SETBP1: variants seen among roughly 807,000 people sequenced by gnomAD.
SETBP1 encodes the protein SET-binding protein.
In SETBP1, 9 loss-of-function variants were observed where a neutral mutation model predicts 101.0. The ratio of observed to expected loss-of-function variants is 0.09; its 90% CI spans 0.05 to 0.16. The LOEUF (loss-of-function observed/expected upper bound fraction) is 0.16, where lower values mean the gene tolerates loss of function less well. Among genes scored for constraint, SETBP1 ranks in the 10% least tolerant of loss-of-function variants. The probability of loss-of-function intolerance (pLI) is 1.00; values close to 1 mark genes in which losing one functional copy is unlikely to be tolerated. For missense variants in SETBP1, 1,858 were observed against 2,033.8 expected (o/e 0.91, Z 1.66); for synonymous variants, 818 against 788.5 (o/e 1.04, Z -0.63).
At chr18:45,049,456 A>C (rs2073685444) in intron 5 of SETBP1, among the ~76,000 whole-genome samples, 1 of 152,212 alleles carries the variant, frequency 6.6e-6, no homozygotes, top group African/African-American at 2.4e-5. Flanking sequence ...GAAGGTTATA[A>C]ATTTTAAAAA....
chr18:44,696,557 C>G (rs1017959637), intron 1 of SETBP1, among the ~76,000 whole-genome samples: 14 of 152,204 alleles, frequency 9.2e-5, no homozygotes, highest in African/African-American at 3.1e-4. Flanking sequence ...AGGATGTACT[C>G]TGGAACTTAT....
intron 3 of SETBP1, among the ~76,000 whole-genome samples, chr18:44,910,283 G>T (rs530014928): frequency 6.6e-6 from 1 of 152,306 alleles, no homozygotes; most frequent in East Asian, 1.9e-4. Flanking sequence ...GGGACAAACA[G>T]CAATGACTGA....
At chr18:44,741,520 T>A (rs1168277584) in intron 2 of SETBP1, among the ~76,000 whole-genome samples, 1 of 152,194 alleles carries the variant, frequency 6.6e-6, no homozygotes, top group Non-Finnish European at 1.5e-5. Flanking sequence ...GATCTATTTT[T>A]TACCATCATC....
chr18:45,000,617 C>G (rs1216862988), intron 4 of SETBP1, among the ~76,000 whole-genome samples: 1 of 152,042 alleles, frequency 6.6e-6, no homozygotes, highest in Non-Finnish European at 1.5e-5. Flanking sequence ...ATATTTTAGG[C>G]TTGATAAGGA....
chr18:44,940,651 A>T (rs1310772646), intron 3 of SETBP1, among the ~76,000 whole-genome samples: 1 of 152,198 alleles, frequency 6.6e-6, no homozygotes, highest in Non-Finnish European at 1.5e-5. Flanking sequence ...CTCTATATGT[A>T]CGCTCTTATT....
intron 2 of SETBP1, among the ~76,000 whole-genome samples, chr18:44,712,207 G>A (rs1179778091): frequency 6.6e-6 from 1 of 152,176 alleles, no homozygotes; most frequent in Admixed American, 6.5e-5. Flanking sequence ...GGTCGTCTTT[G>A]CCTCCCACAA....
intron 4 of SETBP1, among the ~76,000 whole-genome samples, chr18:44,997,715 T>C (rs1174921300): frequency 6.6e-6 from 1 of 152,220 alleles, no homozygotes; most frequent in African/African-American, 2.4e-5. Flanking sequence ...GCTGGCATCT[T>C]CTAAGCCATA....
intron 3 of SETBP1, among the ~76,000 whole-genome samples, chr18:44,920,364 C>G (rs1230319688): frequency 6.6e-6 from 1 of 152,114 alleles, no homozygotes; most frequent in Non-Finnish European, 1.5e-5. Flanking sequence ...AAACCACTGC[C>G]CTACTCATCC....
intron 4 of SETBP1, among the ~76,000 whole-genome samples, chr18:45,024,198 A>C (rs535269782): frequency 3.5e-3 from 527 of 152,324 alleles, no homozygotes; most frequent in Non-Finnish European, 4.9e-3. Flanking sequence ...AGACAGGCAT[A>C]AAGAGTAAGG....
At chr18:44,964,444 T>G (rs1018836092) in intron 4 of SETBP1, among the ~76,000 whole-genome samples, 1 of 152,202 alleles carries the variant, frequency 6.6e-6, no homozygotes, top group Non-Finnish European at 1.5e-5. Flanking sequence ...TACAAGTCTG[T>G]GTCAGTATAT....
chr18:44,754,429 T>A (rs1000940953), intron 2 of SETBP1, among the ~76,000 whole-genome samples: 2 of 152,222 alleles, frequency 1.3e-5, no homozygotes, highest in East Asian at 3.8e-4. Context: ...GGAGATTATT[T>A]CAAATTTGAT....
chr18:44,806,254 C>G (rs1424801598), intron 2 of SETBP1, among the ~76,000 whole-genome samples: 1 of 152,172 alleles, frequency 6.6e-6, no homozygotes, highest in Non-Finnish European at 1.5e-5. Flanking sequence ...TTATGGATAA[C>G]TTTCAAACTC....
In SETBP1 at chr18:44,760,673, C is replaced by T. The variant is rs190955812; in HGVS notation, c.486+58841C>T. Among the ~76,000 whole-genome samples the T allele has an allele frequency of 2.6e-5, 4 of 152,146 alleles. No homozygotes were observed. In the East Asian group the frequency reaches 5.8e-4, roughly 22 times the overall value. On this transcript the variant is annotated intron_variant, in intron 2 of 5. Coordinates refer to ENST00000649279, the MANE Select transcript of SETBP1 (RefSeq NM_015559.3). ...AAATTCAAATTTCAAGTGTAGTGTG[C>T]GATAACAATACATTTTTCAGTTATT...
chr18:44,758,433 A>G (rs2070554964), intron 2 of SETBP1, among the ~76,000 whole-genome samples: 2 of 150,196 alleles, frequency 1.3e-5, no homozygotes, highest in Non-Finnish European at 3.0e-5. Flanking sequence ...CCCAGGCTGG[A>G]GTGCAGTGGT....
intron 2 of SETBP1, among the ~76,000 whole-genome samples, chr18:44,843,156 G>A (rs2072655714): frequency 1.3e-5 from 2 of 152,216 alleles, no homozygotes. Flanking sequence ...GAAGGAGGAT[G>A]ATGAGCAGAC....
chr18:45,019,020 T>G (rs916806656), intron 4 of SETBP1, among the ~76,000 whole-genome samples: 1 of 152,122 alleles, frequency 6.6e-6, no homozygotes, highest in Non-Finnish European at 1.5e-5. Flanking sequence ...TGGAAAACCA[T>G]TGGCTTGCCA....
In SETBP1 at chr18:44,709,386, A is replaced by G. The variant is rs1285885166; in HGVS notation, c.486+7554A>G. ...CTATTAGAAAGAGCCTCCACTCTGG[A>G]AGTGGATTAGAACTCAGATACCCTG... On this transcript the variant is annotated intron_variant, in intron 2 of 5. Transcript: ENST00000649279. 2.0e-5 allele frequency among the ~76,000 whole-genome samples: 3 copies of G among 152,278 alleles called. No individual in the cohort carries two copies. The East Asian group carries it at 5.8e-4, about 29-fold the overall frequency.
chr18:44,948,643 G>T (rs1739916177), intron 3 of SETBP1, among the ~76,000 whole-genome samples: 1 of 152,108 alleles, frequency 6.6e-6, no homozygotes, highest in African/African-American at 2.4e-5. Flanking sequence ...CAGTTCTTAG[G>T]CTAATGCATC....
At chr18:44,944,243 C>A (rs141803241) in intron 3 of SETBP1, among the ~76,000 whole-genome samples, 1 of 152,134 alleles carries the variant, frequency 6.6e-6, no homozygotes, top group Non-Finnish European at 1.5e-5. Flanking sequence ...ATGTAAATTA[C>A]GGAGAGTTCA....
Sources: allele counts gnomAD v4.1 joint callset (sites outside exome capture counted in the v4.1 genomes callset), GRCh38; gene constraint gnomAD v4.1.1; transcripts MANE v1.5; gene names NCBI Gene and HGNC (gene_info 2026-07-23, HGNC 2026-07-21).